COLEC10: variants seen among roughly 807,000 people sequenced by gnomAD.
COLEC10 encodes the protein collectin-10.
Under a neutral mutation model 28.4 loss-of-function variants are expected in COLEC10, and 22 were observed. The ratio of observed to expected loss-of-function variants is 0.78; its 90% CI spans 0.55 to 1.11. The LOEUF (loss-of-function observed/expected upper bound fraction) is 1.11, where lower values mean the gene tolerates loss of function less well. Among genes scored for constraint, COLEC10 ranks in the 50% least tolerant of loss-of-function variants. The probability of loss-of-function intolerance (pLI) is 0.00; values close to 1 mark genes in which losing one functional copy is unlikely to be tolerated. For synonymous variants in COLEC10, 125 were observed against 116.1 expected (o/e 1.08, Z -0.49); for missense variants, 361 against 344.1 (o/e 1.05, Z -0.39).
chr8:119,092,223 C>A (rs955541070), intron 3 of COLEC10, among the ~76,000 whole-genome samples: 1 of 151,966 alleles, frequency 6.6e-6, no homozygotes, highest in South Asian at 2.1e-4. Context: ...ATGCCCACCA[C>A]CACGCCCAGC....
the COLEC10 span, among the ~76,000 whole-genome samples, chr8:118,979,673 C>T: frequency 6.6e-6 from 1 of 152,122 alleles, no homozygotes; most frequent in East Asian, 1.9e-4. Context: ...GTCATCATTA[C>T]ATTAGTTAAA....
chr8:118,984,781 T>C, the COLEC10 span, among the ~76,000 whole-genome samples: 1 of 152,076 alleles, frequency 6.6e-6, no homozygotes, highest in Admixed American at 6.6e-5. Context: ...GACTGGGCAA[T>C]TTACAAAGAA....
intron 2 of COLEC10, among the ~76,000 whole-genome samples, chr8:119,030,374 TGTTGGTGTGGCTG>T (rs1311297936): frequency 6.6e-6 from 1 of 152,038 alleles, no homozygotes; most frequent in Non-Finnish European, 1.5e-5. Context: ...TATAAAAGTG[TGTTGGTGTGGCTG>T]GGCATGATGA....
At chr8:118,966,278 T>A in the COLEC10 span, among the ~76,000 whole-genome samples, 7 of 152,162 alleles carry the variant, frequency 4.6e-5, no homozygotes, top group African/African-American at 1.4e-4. Flanking sequence ...GTTCATTTTT[T>A]AAAAAATCAA....
intron 3 of COLEC10, 43 bp from the exon 4 acceptor site, chr8:119,102,305 A>G (rs374745918): frequency 1.0e-6 from 1 of 986,316 alleles, no homozygotes; most frequent in African/African-American, 3.0e-5. Context: ...TTCTTCTTTT[A>G]TTTTAATTTT....
intron 1 of COLEC10, among the ~76,000 whole-genome samples, chr8:119,072,231 C>T (rs1815138242): frequency 6.6e-6 from 1 of 151,724 alleles, no homozygotes; most frequent in Admixed American, 6.5e-5. Flanking sequence ...CTAATCACCA[C>T]ATCCAATGGG....
At chr8:119,064,878 T>G (rs1814924038), upstream of COLEC10, among the ~76,000 whole-genome samples, 1 of 152,136 alleles carries the variant, frequency 6.6e-6, no homozygotes, top group African/African-American at 2.4e-5. Flanking sequence ...CTACTTTGTT[T>G]GCAAAATGAA....
At chr8:118,999,308 G>T (rs142338732) in intron 1 of COLEC10, among the ~76,000 whole-genome samples, 1 of 152,154 alleles carries the variant, frequency 6.6e-6, no homozygotes, top group Non-Finnish European at 1.5e-5. Context: ...AGAGTTAGAG[G>T]TCTGATAAAG....
At chr8:118,966,452 A>C in the COLEC10 span, among the ~76,000 whole-genome samples, 1 of 152,136 alleles carries the variant, frequency 6.6e-6, no homozygotes, top group African/African-American at 2.4e-5. Context: ...AGAAGGGGTG[A>C]ATTATTTTAC....
rs867614463 is a variant in COLEC10, at chr8:119,028,819, C to T, written n.235+19266C>T. Among the ~76,000 whole-genome samples, 4 of 152,214 alleles carry T rather than the reference C, an allele frequency of 2.6e-5. No homozygotes were observed. The South Asian group carries it at 6.2e-4, about 24-fold the overall frequency. ...GGTAAACATTATTTTCCCTTGCTGA[C>T]AAGAATAAAAATCACTATGGCTAGT... On this transcript the variant is annotated intron_variant and non_coding_transcript_variant, in intron 2 of 6. Transcript: ENST00000521788.
intron 1 of COLEC10, among the ~76,000 whole-genome samples, chr8:119,007,166 A>G (rs1308631662): frequency 6.6e-6 from 1 of 152,024 alleles, no homozygotes; most frequent in South Asian, 2.1e-4. Flanking sequence ...AGACTGAAAA[A>G]CTTTGTGTTA....
At chr8:119,023,070 G>A (rs1001379012) in intron 2 of COLEC10, among the ~76,000 whole-genome samples, 1 of 152,012 alleles carries the variant, frequency 6.6e-6, no homozygotes, top group African/African-American at 2.4e-5. Flanking sequence ...TATCTCTCTT[G>A]CTTCAAGCCT....
chr8:119,078,139 C>T (rs984340195), intron 1 of COLEC10, among the ~76,000 whole-genome samples: 4 of 152,196 alleles, frequency 2.6e-5, no homozygotes, highest in Non-Finnish European at 4.4e-5. Context: ...CTACCAGGCC[C>T]CACCTCCAAC....
At chr8:119,007,918 A>T (rs1218307650) in intron 1 of COLEC10, among the ~76,000 whole-genome samples, 2 of 150,906 alleles carry the variant, frequency 1.3e-5, no homozygotes, top group African/African-American at 5.0e-5. Context: ...TTTTCATGAG[A>T]TATAATGAGA....
intron 1 of COLEC10, among the ~76,000 whole-genome samples, chr8:119,071,480 C>T (rs759180007): frequency 2.0e-5 from 3 of 152,138 alleles, no homozygotes; most frequent in Non-Finnish European, 4.4e-5. Context: ...TTGATGGCTC[C>T]TCTGCCTGGC....
intron 5 of COLEC10, among the ~76,000 whole-genome samples, chr8:119,104,154 A>G (rs147041074): frequency 2.0e-5 from 3 of 152,266 alleles, no homozygotes; most frequent in East Asian, 3.9e-4. Flanking sequence ...TGGAGAAAAG[A>G]GCAGAGTGTG....
chr8:119,102,304 T>TATTTTAATTTA (rs1444894606), intron 3 of COLEC10, 44 bp from the exon 4 acceptor site: 16 of 1,373,474 alleles, frequency 1.2e-5, no homozygotes, highest in South Asian at 3.7e-5. Flanking sequence ...TTTCTTCTTT[T>TATTTTAATTTA]ATTTTAATTT....
chr8:118,961,529 C>T, the COLEC10 span, among the ~76,000 whole-genome samples: 10 of 152,170 alleles, frequency 6.6e-5, no homozygotes, highest in Non-Finnish European at 1.3e-4. Context: ...GTCAACAACA[C>T]TAAGGGACAC....
chr8:119,084,075 A>G (rs1466416108), intron 1 of COLEC10, among the ~76,000 whole-genome samples: 1 of 152,226 alleles, frequency 6.6e-6, no homozygotes, highest in Admixed American at 6.5e-5. Flanking sequence ...ATTAAAAGAC[A>G]TACAAAGAAA....
Sources: allele counts gnomAD v4.1 joint callset (sites outside exome capture counted in the v4.1 genomes callset), GRCh38; gene constraint gnomAD v4.1.1; transcripts MANE v1.5; gene names NCBI Gene and HGNC (gene_info 2026-07-23, HGNC 2026-07-21).